Variants in CADPS observed in about 807,000 individuals in gnomAD.
CADPS encodes calcium-dependent secretion activator 1.
A neutral mutation model predicts 167.3 loss-of-function variants in CADPS; 57 were observed. The observed-to-expected ratio is 0.34, with a 90% CI of 0.28 to 0.42. CADPS has a LOEUF of 0.42. Ranked by LOEUF, CADPS falls within the 20% of genes least tolerant of loss-of-function variation. CADPS has a pLI of 1.00. For missense variants in CADPS, 1,414 were observed against 1,738.1 expected (o/e 0.81, Z 3.32); for synonymous variants, 676 against 635.3 (o/e 1.06, Z -0.96).
chr3:62,662,040 T>C lies in CADPS; in HGVS notation c.969+274A>G, dbSNP rs2073356242. Among the ~76,000 whole-genome samples the C allele has an allele frequency of 2.0e-5, 3 of 152,280 alleles. No individual in the cohort carries two copies. The South Asian group carries it at 6.2e-4, about 32-fold the overall frequency. ...TGCCAGGAAAATGTTTAAGTGGAAA[T>C]GTTCAGTAGACTGTTGGAGCTATGT... On this transcript the variant is annotated intron_variant, in intron 4 of 29. Coordinates refer to ENST00000383710, the MANE Select transcript of CADPS (RefSeq NM_003716.4).
Position 62,874,862 on chromosome 3 carries a change from TCCGGCGCCGGCGCCGCCGCCCCCCAGC to T in CADPS, c.141_167del (p.Leu48_Gly56del). 1 of 1,099,142 alleles carries T rather than the reference TCCGGCGCCGGCGCCGCCGCCCCCCAGC, an allele frequency of 9.1e-7. No individual in the cohort carries two copies. Among genetic ancestry groups the T allele is most frequent in the Non-Finnish European group, 1.1e-6 (1 of 904,246 alleles). The allele number at this position is 1,099,142 out of a possible 1,614,324, so 68.1% of individuals were successfully genotyped here. On this transcript the variant is annotated inframe_deletion, in exon 1 of 30. Coordinates refer to ENST00000383710, the MANE Select transcript of CADPS (RefSeq NM_003716.4). This position sits in a 1 kb window ranked among gnomAD's most constrained non-coding sequence, Gnocchi z 7.1. ...CGCCGCCGCCTGCACCCACCCCGGC[TCCGGCGCCGGCGCCGCCGCCCCCCAGC>T]CCGGCGCTGCCGGCCGAGCCCTCGC...
intron 17 of CADPS, among the ~76,000 whole-genome samples, chr3:62,505,062 C>T (rs2066421073): frequency 6.6e-6 from 1 of 152,060 alleles, no homozygotes; most frequent in South Asian, 2.1e-4. Context: ...TAGCAATTTG[C>T]TATGATCTGG....
intron 23 of CADPS, among the ~76,000 whole-genome samples, chr3:62,477,317 T>A (rs1403808476): frequency 6.7e-6 from 1 of 148,482 alleles, no homozygotes; most frequent in Non-Finnish European, 1.5e-5. Flanking sequence ...AATCTGGGTT[T>A]TTTTTTTTTT....
intron 1 of CADPS, among the ~76,000 whole-genome samples, chr3:62,815,803 G>A (rs181463862): frequency 1.3e-5 from 2 of 152,018 alleles, no homozygotes; most frequent in Admixed American, 6.6e-5. Context: ...TCTTTCCCAT[G>A]CCTTCCTGCA....
chr3:62,455,595 A>G lies in CADPS; in HGVS notation c.3636+9772T>C, dbSNP rs1469729624. On this transcript the variant is annotated intron_variant, in intron 26 of 29. Transcript: ENST00000383710. This position sits in a 1 kb window ranked among gnomAD's most constrained non-coding sequence, Gnocchi z 4.4. ...AGAGAAACTTGGAAGTGCAAATTGG[A>G]AAGTTTTAATTTTGTAAAATCTCCA... is the stretch of plus-strand genomic sequence containing the variant. 6.6e-6 allele frequency among the ~76,000 whole-genome samples: 1 copy of G among 152,176 alleles called. No individual in the cohort carries two copies. Among genetic ancestry groups the G allele is most frequent in the Non-Finnish European group, 1.5e-5 (1 of 68,026 alleles).
chr3:62,715,360 A>ATCTATCTG (rs1554105624), intron 3 of CADPS, among the ~76,000 whole-genome samples: 19 of 150,018 alleles, frequency 1.3e-4, no homozygotes, highest in African/African-American at 4.4e-4. Flanking sequence ...AGCCCTATCT[A>ATCTATCTG]TCTATCTATC....
At chr3:62,724,769 C>T (rs1395440) in intron 3 of CADPS, among the ~76,000 whole-genome samples, 15,760 of 152,232 alleles carry the variant, frequency 0.1, 1,074 homozygotes, top group African/African-American at 0.19. Context: ...TTCTCTGTTG[C>T]TCTCCACGAA....
chr3:62,842,442 G>C (rs959622688), intron 1 of CADPS, among the ~76,000 whole-genome samples: 43 of 152,314 alleles, frequency 2.8e-4, no homozygotes, highest in African/African-American at 1.0e-3. Flanking sequence ...CCAATATGCA[G>C]CCAATCAAGA....
intron 1 of CADPS, among the ~76,000 whole-genome samples, chr3:62,804,591 G>A (rs778511964): frequency 3.3e-5 from 5 of 151,292 alleles, no homozygotes; most frequent in Non-Finnish European, 5.9e-5. Context: ...TCAGAGATGA[G>A]AGCTGCAGTA....
chr3:62,590,064 C>T (rs192487445), intron 7 of CADPS, among the ~76,000 whole-genome samples: 43 of 152,088 alleles, frequency 2.8e-4, no homozygotes, highest in Admixed American at 8.5e-4. Flanking sequence ...TGGTAGGCAC[C>T]TGTAATACCA....
At chr3:62,675,407 T>C (rs889676858) in intron 3 of CADPS, among the ~76,000 whole-genome samples, 1 of 152,166 alleles carries the variant, frequency 6.6e-6, no homozygotes, top group Non-Finnish European at 1.5e-5. Context: ...TTACCTGGCC[T>C]ATGTGGACAC....
intron 1 of CADPS, among the ~76,000 whole-genome samples, chr3:62,805,616 G>C (rs1209442459): frequency 1.3e-5 from 2 of 152,124 alleles, no homozygotes; most frequent in Non-Finnish European, 2.9e-5. Flanking sequence ...ATGTAAAGCA[G>C]CTGTGCTAAC....
chr3:62,802,142 A>G (rs533805330), intron 1 of CADPS, among the ~76,000 whole-genome samples: 16 of 152,190 alleles, frequency 1.1e-4, no homozygotes, highest in Middle Eastern at 3.2e-3. Flanking sequence ...CACAGGACAC[A>G]TAAGGCCAAG....
Position 62,421,735 on chromosome 3 carries a change from T to TTG in CADPS, c.3777+16367_3777+16368dup, listed in dbSNP as rs1004312849. ...GACAATGTCAGATTTCATAATAATATTGTGTGTGAGGCTGGAGACGCATTT... is the reference window on the plus strand; with the variant it reads ...GACAATGTCAGATTTCATAATAATATTGTGTGTGTGAGGCTGGAGACGCATTT... On this transcript the variant is annotated intron_variant, in intron 28 of 29. Coordinates refer to ENST00000383710, the MANE Select transcript of CADPS (RefSeq NM_003716.4). The surrounding 1 kb of genome is among the most constrained non-coding windows in gnomAD (Gnocchi z 4.7). Among the ~76,000 whole-genome samples, 1 of 152,064 alleles carries TTG rather than the reference T, an allele frequency of 6.6e-6. No individual in the cohort carries two copies. The highest frequency in any genetic ancestry group is 1.5e-5 in the Non-Finnish European group (1 of 68,018).
intron 28 of CADPS, among the ~76,000 whole-genome samples, chr3:62,427,700 A>G (rs962424797): frequency 6.6e-6 from 1 of 152,150 alleles, no homozygotes; most frequent in African/African-American, 2.4e-5. Flanking sequence ...GCACCTAATA[A>G]CTGAGTCTTT....
intron 3 of CADPS, among the ~76,000 whole-genome samples, chr3:62,720,379 C>G (rs539427428): frequency 6.6e-6 from 1 of 151,104 alleles, no homozygotes; most frequent in East Asian, 1.9e-4. Context: ...GTCACTCAGA[C>G]TGCAGTGCAG....
At chr3:62,404,062 G>T (rs1707423731) in intron 28 of CADPS, 1 of 147,004 alleles carries the variant, frequency 6.8e-6, no homozygotes, top group Non-Finnish European at 1.5e-5. Context: ...CATATGAACA[G>T]TGTTATGAAG....
At chr3:62,869,902 A>G (rs1331542379) in intron 1 of CADPS, among the ~76,000 whole-genome samples, 1 of 152,162 alleles carries the variant, frequency 6.6e-6, no homozygotes, top group Non-Finnish European at 1.5e-5. Context: ...ATTGTTTATT[A>G]AATTTGCTTT....
At chr3:62,652,399 CAAA>C (rs57075270) in intron 4 of CADPS, among the ~76,000 whole-genome samples, 15,410 of 119,534 alleles carry the variant, frequency 0.13, 760 homozygotes, top group Admixed American at 0.15. Flanking sequence ...TCTGTGTGGC[CAAA>C]AAAAAAAAAA....
Sources: allele counts gnomAD v4.1 joint callset (sites outside exome capture counted in the v4.1 genomes callset), GRCh38; gene constraint gnomAD v4.1.1; non-coding constraint Gnocchi (gnomAD v3.1); transcripts MANE v1.5; gene names NCBI Gene and HGNC (gene_info 2026-07-23, HGNC 2026-07-21).